SKIC2: variants seen among roughly 807,000 people sequenced by gnomAD.
The protein encoded by SKIC2 is superkiller complex protein 2.
the SKIC2 span, among the ~76,000 whole-genome samples, chr6:31,965,489 A>G: frequency 6.6e-6 from 1 of 152,278 alleles, no homozygotes; most frequent in Non-Finnish European, 1.5e-5. The surrounding 1 kb of genome is among the most constrained non-coding windows in gnomAD (Gnocchi z 5.6). Context: ...GACATGTTCT[A>G]TAAGATCATA....
At chr6:31,961,728 C>T in the SKIC2 span, 1 of 1,587,218 alleles carries the variant, frequency 6.3e-7, no homozygotes, top group African/African-American at 1.3e-5. Flanking sequence ...GGTCACACTC[C>T]CAGCCGACCC....
At chr6:31,959,289 C>T in the SKIC2 span, 28 of 1,609,708 alleles carry the variant, frequency 1.7e-5, no homozygotes, top group Non-Finnish European at 2.3e-5. Flanking sequence ...TTTGACCTTT[C>T]CCCGTAGTGC....
At chr6:31,969,061 G>T in the SKIC2 span, 3 of 1,611,702 alleles carry the variant, frequency 1.9e-6, no homozygotes, top group Non-Finnish European at 2.5e-6. The surrounding 1 kb of genome is among the most constrained non-coding windows in gnomAD (Gnocchi z 6.1). Context: ...GGGGACGCTG[G>T]GGATCAGCTC....
At chr6:31,963,021 C>G in the SKIC2 span, 3 of 1,612,734 alleles carry the variant, frequency 1.9e-6, no homozygotes, top group African/African-American at 4.0e-5. This position sits in a 1 kb window ranked among gnomAD's most constrained non-coding sequence, Gnocchi z 5.3. Flanking sequence ...TATCATGCTA[C>G]CTGACCACGT....
At chr6:31,962,090 C>T in the SKIC2 span, 2 of 1,607,526 alleles carry the variant, frequency 1.2e-6, no homozygotes, top group Admixed American at 1.7e-5. The surrounding 1 kb of genome is among the most constrained non-coding windows in gnomAD (Gnocchi z 5.0). Flanking sequence ...CCTTCACCAG[C>T]CAGCCCCATT....
At chr6:31,967,540 C>G in the SKIC2 span, among the ~76,000 whole-genome samples, 6 of 152,122 alleles carry the variant, frequency 3.9e-5, no homozygotes, top group Non-Finnish European at 7.3e-5. This position sits in a 1 kb window ranked among gnomAD's most constrained non-coding sequence, Gnocchi z 4.9. Context: ...CATGCTCACT[C>G]CTTCCTCCCA....
chr6:31,966,714 G>A, the SKIC2 span: 2 of 1,614,006 alleles, frequency 1.2e-6, no homozygotes, highest in African/African-American at 2.7e-5. This position sits in a 1 kb window ranked among gnomAD's most constrained non-coding sequence, Gnocchi z 5.9. Flanking sequence ...TCCAGGGGAA[G>A]CCGTCCCAGC....
At chr6:31,965,860 A>T in the SKIC2 span, 23 of 1,613,058 alleles carry the variant, frequency 1.4e-5, 1 homozygote, top group South Asian at 2.4e-4. This position sits in a 1 kb window ranked among gnomAD's most constrained non-coding sequence, Gnocchi z 5.6. Flanking sequence ...CCATGCGCAA[A>T]CACGATGGCT....
the SKIC2 span, chr6:31,960,078 C>T: frequency 2.5e-6 from 4 of 1,613,100 alleles, no homozygotes; most frequent in Non-Finnish European, 3.4e-6. Context: ...TTCTGTCATC[C>T]CCAGCCTGGC....
the SKIC2 span, chr6:31,961,883 C>G: frequency 4.3e-6 from 7 of 1,611,452 alleles, no homozygotes; most frequent in Non-Finnish European, 5.1e-6. Flanking sequence ...CTTTCTTCAG[C>G]TCCTGTCTAT....
the SKIC2 span, chr6:31,960,730 C>A: frequency 6.4e-7 from 1 of 1,562,324 alleles, no homozygotes; most frequent in Non-Finnish European, 8.6e-7. Flanking sequence ...AGGAGATAGA[C>A]TTTGAGAAAG....
chr6:31,967,826 G>T, the SKIC2 span: 1 of 1,612,972 alleles, frequency 6.2e-7, no homozygotes. This position sits in a 1 kb window ranked among gnomAD's most constrained non-coding sequence, Gnocchi z 4.9. Context: ...GCCCTATCCA[G>T]ATGACCTCGT....
the SKIC2 span, chr6:31,963,683 G>A: frequency 3.9e-6 from 6 of 1,556,860 alleles, no homozygotes; most frequent in Non-Finnish European, 5.2e-6. This position sits in a 1 kb window ranked among gnomAD's most constrained non-coding sequence, Gnocchi z 5.3. Context: ...GAGCAAACAC[G>A]CCCAGACCTT....
At chr6:31,969,677 C>T in the SKIC2 span, 13 of 1,605,944 alleles carry the variant, frequency 8.1e-6, no homozygotes, top group East Asian at 6.7e-5. The surrounding 1 kb of genome is among the most constrained non-coding windows in gnomAD (Gnocchi z 6.1). Context: ...CTTGCTACGG[C>T]GGGACATCGT....
chr6:31,964,575 C>T, the SKIC2 span, among the ~76,000 whole-genome samples: 1 of 152,124 alleles, frequency 6.6e-6, no homozygotes. This position sits in a 1 kb window ranked among gnomAD's most constrained non-coding sequence, Gnocchi z 5.0. Flanking sequence ...AATGGGGATG[C>T]ATAAGATATG....
the SKIC2 span, chr6:31,966,928 G>C: frequency 6.2e-7 from 1 of 1,613,234 alleles, no homozygotes; most frequent in Non-Finnish European, 8.5e-7. The surrounding 1 kb of genome is among the most constrained non-coding windows in gnomAD (Gnocchi z 5.9). Context: ...CCAGAGGCCA[G>C]TGTGTTGAGG....
chr6:31,963,179 G>C, the SKIC2 span: 1 of 1,000,816 alleles, frequency 1.0e-6, no homozygotes, highest in Non-Finnish European at 1.5e-6. This position sits in a 1 kb window ranked among gnomAD's most constrained non-coding sequence, Gnocchi z 5.3. Flanking sequence ...ACAGCAAGGA[G>C]AGCGGTCAGG....
At chr6:31,961,629 C>T in the SKIC2 span, 2 of 1,613,044 alleles carry the variant, frequency 1.2e-6, no homozygotes, top group South Asian at 2.2e-5. Context: ...GACGCCACCT[C>T]CCCTGTTGGT....
the SKIC2 span, among the ~76,000 whole-genome samples, chr6:31,965,457 A>G: frequency 3.3e-5 from 5 of 152,216 alleles, no homozygotes; most frequent in Non-Finnish European, 7.3e-5. The surrounding 1 kb of genome is among the most constrained non-coding windows in gnomAD (Gnocchi z 5.6). Context: ...TATGAATTAT[A>G]AACTACAAGC....
Sources: gnomAD v4.1 joint callset for allele counts (sites outside exome capture counted in the v4.1 genomes callset) on GRCh38, gnomAD v4.1.1 for gene constraint, Gnocchi (gnomAD v3.1) non-coding constraint, MANE v1.5 for transcripts, NCBI Gene and HGNC (gene_info 2026-07-23, HGNC 2026-07-21) for gene names.